SMIM23: variants seen among roughly 807,000 people sequenced by gnomAD.
The protein encoded by SMIM23 is CTB-78H18.1.
In SMIM23, 10 loss-of-function variants were observed where a neutral mutation model predicts 12.8. The observed-to-expected ratio is 0.78, with a 90% confidence interval of 0.48 to 1.32. SMIM23 has a LOEUF of 1.32. Among genes scored for constraint, SMIM23 ranks in the 40% most tolerant of loss-of-function variants. The pLI is 0.00. For missense variants in SMIM23, 184 were observed against 198.2 expected (o/e 0.93, Z 0.43); for synonymous variants, 78 against 80.1 (o/e 0.97, Z 0.14).
At chr5:171,777,570 A>G (rs1002883669), upstream of SMIM23, among the ~76,000 whole-genome samples, 2 of 152,180 alleles carry the variant, frequency 1.3e-5, no homozygotes, top group Non-Finnish European at 2.9e-5. Context: ...AGTGAGAGAG[A>G]ACAGAACCTG....
Position 171,790,875 on chromosome 5 carries a change from C to CT in SMIM23, c.308dup (p.Ser104LeufsTer39), listed in dbSNP as rs1755910538. 1 of 1,536,018 alleles carries CT rather than the reference C, an allele frequency of 6.5e-7. No individual in the cohort carries two copies. The highest frequency in any genetic ancestry group is 8.7e-7 in the Non-Finnish European group (1 of 1,146,926). ...ACTGGCTGAAGGAGAAGTTGCATGT[C>CT]TTCTCGGAGAAGTTAGAGGAAGAGG... On this transcript the variant is annotated frameshift_variant, in exon 4 of 4. Coordinates refer to ENST00000523047, the MANE Select transcript of SMIM23 (RefSeq NM_001289970.2). LOFTEE classifies it low-confidence loss of function (END_TRUNC).
At position 171,790,901 on chromosome 5, in the gene SMIM23, T is replaced by A. The variant is rs1755911197; in HGVS notation, c.332T>A (p.Val111Glu). 3 of 1,535,896 alleles carry A rather than the reference T, an allele frequency of 2.0e-6. No homozygotes were observed. In the Admixed American group the frequency reaches 5.9e-5, roughly 30 times the overall value. ...HVFSEKLEEE[V>E]QQLEQLAWDL... ...TTCTCGGAGAAGTTAGAGGAAGAGG[T>A]GCAGCAGCTGGAGCAGCTAGCGTGG... Residue 111 changes from valine (V) to glutamate (E), a missense_variant, in exon 4 of 4, where the codon GTG becomes GAG. Coordinates refer to ENST00000523047, the MANE Select transcript of SMIM23 (RefSeq NM_001289970.2).
the SMIM23 span, among the ~76,000 whole-genome samples, chr5:171,776,862 C>G: frequency 6.6e-6 from 1 of 152,206 alleles, no homozygotes; most frequent in Non-Finnish European, 1.5e-5. Flanking sequence ...ACACTCCAAC[C>G]TTTTCCAGTC....
chr5:171,781,622 C>T (rs573633175), upstream of SMIM23, among the ~76,000 whole-genome samples: 8 of 151,930 alleles, frequency 5.3e-5, no homozygotes, highest in East Asian at 3.9e-4. Flanking sequence ...TGGTATAAGA[C>T]GACGAACCCT....
Position 171,791,100 on chromosome 5 carries a change from C to T in SMIM23, c.*12C>T. 1 of 1,463,460 alleles carries T rather than the reference C, an allele frequency of 6.8e-7. No individual in the cohort carries two copies. The highest frequency in any genetic ancestry group is 9.0e-7 in the Non-Finnish European group (1 of 1,114,920). The allele number at this position is 1,463,460 out of a possible 1,614,324, so 90.7% of individuals were successfully genotyped here. On this transcript the variant is annotated 3_prime_UTR_variant, in exon 4 of 4. Coordinates refer to ENST00000523047, the MANE Select transcript of SMIM23 (RefSeq NM_001289970.2). ...GGGCAGAGCTCTGACTCTTGAAGTT[C>T]CAGTCAGGCAAGAAAATAAAGTAGT...
At chr5:171,787,265 G>T (rs896214266) in intron 1 of SMIM23, among the ~76,000 whole-genome samples, 2 of 151,898 alleles carry the variant, frequency 1.3e-5, no homozygotes, top group Admixed American at 1.3e-4. Flanking sequence ...TGATCCACCC[G>T]CCTCCGCCTC....
At position 171,790,255 on chromosome 5, in the gene SMIM23, T is replaced by C; in HGVS notation, c.131T>C (p.Val44Ala). ...ACGCTGTTGGCATTGCTGATCTTGG[T>C]GCTGTACTTGAGCACAGAGATATGG... ...KQTLLALLIL[V>A]LYLSTEIWGS... Residue 44 changes from valine to alanine, a missense_variant, in exon 2 of 4, where the codon GTG (valine) becomes GCG (alanine). Physicochemically the swap from Val to Ala is moderately conservative, Grantham distance 64. Coordinates refer to ENST00000523047, the MANE Select transcript of SMIM23 (RefSeq NM_001289970.2). 1 of 1,536,146 alleles carries C rather than the reference T, an allele frequency of 6.5e-7. No homozygotes were observed. The highest frequency in any genetic ancestry group is 8.7e-7 in the Non-Finnish European group (1 of 1,146,920).
intron 1 of SMIM23, among the ~76,000 whole-genome samples, chr5:171,787,743 G>A (rs1755843931): frequency 6.6e-6 from 1 of 152,236 alleles, no homozygotes; most frequent in Admixed American, 6.5e-5. Flanking sequence ...AGCACTGAGG[G>A]AGGCTCTTTT....
upstream of SMIM23, among the ~76,000 whole-genome samples, chr5:171,785,527 G>A (rs1349245373): frequency 7.9e-5 from 12 of 152,010 alleles, no homozygotes; most frequent in Middle Eastern, 3.4e-3. Context: ...AGGGATTACA[G>A]GTGTGAGCCA....
chr5:171,782,909 A>G (rs964216519), upstream of SMIM23: 1 of 152,216 alleles, frequency 6.6e-6, no homozygotes, highest in Non-Finnish European at 1.5e-5. Flanking sequence ...TGCCTAGTGT[A>G]TAGCCGGCCT....
At chr5:171,785,772 C>T (rs908230326), upstream of SMIM23, 4 of 928,106 alleles carry the variant, frequency 4.3e-6, no homozygotes, top group Non-Finnish European at 6.7e-6. Context: ...GACATCAGAA[C>T]TCAATGTTTG....
intron 3 of SMIM23, 114 bp downstream of exon 3, chr5:171,790,663 G>T: frequency 7.3e-7 from 1 of 1,364,756 alleles, no homozygotes; most frequent in Non-Finnish European, 1.0e-6. Context: ...AGTGCAGAAG[G>T]TGGGAACAGG....
At chr5:171,773,451 T>C in the SMIM23 span, among the ~76,000 whole-genome samples, 1 of 152,218 alleles carries the variant, frequency 6.6e-6, no homozygotes, top group Non-Finnish European at 1.5e-5. Flanking sequence ...TTTTGGTTAA[T>C]CCAATTAACA....
upstream of SMIM23, among the ~76,000 whole-genome samples, chr5:171,778,371 G>C (rs1409011044): frequency 7.0e-6 from 1 of 143,104 alleles, no homozygotes; most frequent in Non-Finnish European, 1.5e-5. Context: ...AAAAAAAAAA[G>C]ATGAGATTTT....
chr5:171,773,595 T>G, the SMIM23 span: 1 of 337,184 alleles, frequency 3.0e-6, no homozygotes, highest in Non-Finnish European at 5.8e-6. Flanking sequence ...AGAAAATGTT[T>G]GCCAATGATT....
At chr5:171,782,008 A>C (rs887403434), upstream of SMIM23, among the ~76,000 whole-genome samples, 23 of 152,354 alleles carry the variant, frequency 1.5e-4, no homozygotes, top group Admixed American at 1.4e-3. Context: ...AAATAAGGGA[A>C]TAAAAGCTGG....
At chr5:171,779,898 G>A (rs1357756834), upstream of SMIM23, among the ~76,000 whole-genome samples, 1 of 152,000 alleles carries the variant, frequency 6.6e-6, no homozygotes, top group Non-Finnish European at 1.5e-5. Flanking sequence ...AACTACCTGA[G>A]GTTCCAGTTT....
In SMIM23 at chr5:171,790,803, A is replaced by C; in HGVS notation, c.234A>C (p.Glu78Asp). The stretch of plus-strand genomic sequence containing the variant: ...CTGTGTCTGCCTTCCAGGGGCTTGA[A>C]TATCAGACCAACGAGCCCTCAGAAG... ...YQNLAVPQGLEYQTNEPSEEP... is the reference protein window; with the variant it reads ...YQNLAVPQGLDYQTNEPSEEP... Residue 78 changes from glutamate (E) to aspartate (D), a missense_variant, in exon 4 of 4, where the codon GAA becomes GAC. Physicochemically the swap from Glu to Asp is conservative, Grantham distance 45. Transcript: ENST00000523047. The C allele has an allele frequency of 6.5e-7, 1 of 1,536,142 alleles. No individual in the cohort carries two copies. Among genetic ancestry groups the C allele is most frequent in the Non-Finnish European group, 8.7e-7 (1 of 1,146,912 alleles).
the SMIM23 span, among the ~76,000 whole-genome samples, chr5:171,775,416 G>C: frequency 6.6e-6 from 1 of 151,600 alleles, no homozygotes; most frequent in Non-Finnish European, 1.5e-5. Flanking sequence ...TAACTCTACC[G>C]TGTGAAAGGA....
Sources: gnomAD v4.1 joint callset for allele counts (sites outside exome capture counted in the v4.1 genomes callset) on GRCh38, gnomAD v4.1.1 for gene constraint, MANE v1.5 for transcripts, NCBI Gene and HGNC (gene_info 2026-07-23, HGNC 2026-07-21) for gene names.